The following KYNU variants were observed in gnomAD, a reference collection of about 807,000 sequenced individuals.
The protein encoded by KYNU is kynureninase, also known as L-kynurenine hydrolase.
Under a neutral mutation model 59.2 loss-of-function variants are expected in KYNU, and 54 were observed. The ratio of observed to expected loss-of-function variants is 0.91; its 90% CI spans 0.73 to 1.14. KYNU has a LOEUF of 1.14. KYNU is among the 50% of genes most tolerant of loss of function. KYNU has a pLI of 0.00. For missense variants in KYNU, 567 were observed against 554.4 expected (o/e 1.02, Z -0.23); for synonymous variants, 177 against 192.0 (o/e 0.92, Z 0.65).
At chr2:142,916,452 A>G (rs111539305) in intron 2 of KYNU, among the ~76,000 whole-genome samples, 37 of 152,288 alleles carry the variant, frequency 2.4e-4, no homozygotes, top group African/African-American at 8.4e-4. Flanking sequence ...TATGGCTTGG[A>G]AAGCCTGAAA....
intron 8 of KYNU, among the ~76,000 whole-genome samples, chr2:142,972,618 A>T (rs1364945399): frequency 6.6e-6 from 1 of 152,112 alleles, no homozygotes; most frequent in Non-Finnish European, 1.5e-5. Context: ...GAGGAGAGTG[A>T]ATCTGAGAGA....
intron 2 of KYNU, among the ~76,000 whole-genome samples, chr2:142,903,806 G>T (rs558294920): frequency 5.9e-5 from 9 of 152,282 alleles, no homozygotes; most frequent in Non-Finnish European, 1.3e-4. Flanking sequence ...ATGGACGAGG[G>T]GGGTGGCTTA....
At chr2:142,910,131 C>CTTTTTTTTTTTTT (rs368644903) in intron 2 of KYNU, among the ~76,000 whole-genome samples, 5 of 105,478 alleles carry the variant, frequency 4.7e-5, no homozygotes, top group South Asian at 3.7e-4. Flanking sequence ...TGTTCTTTGC[C>CTTTTTTTTTTTTT]TTTTTTTTTT....
chr2:142,957,740 T>G, intron 7 of KYNU, 25 bp downstream of exon 7: 1 of 1,382,814 alleles, frequency 7.2e-7, no homozygotes, highest in Non-Finnish European at 1.0e-6. Context: ...AAGAAATATT[T>G]GTCATGCTTT....
intron 3 of KYNU, among the ~76,000 whole-genome samples, chr2:142,924,909 A>C (rs531883573): frequency 1.3e-5 from 2 of 152,304 alleles, no homozygotes; most frequent in Admixed American, 1.3e-4. Flanking sequence ...TTCTAAATAC[A>C]TTTCACTACC....
rs1423582037 is a variant in KYNU, at chr2:143,050,254, A to G, written c.*8082A>G. 1 of 152,000 alleles carries G rather than the reference A, an allele frequency of 6.6e-6. No individual in the cohort carries two copies. Among genetic ancestry groups the G allele is most frequent in the Non-Finnish European group, 1.5e-5 (1 of 67,998 alleles). 9.4% of individuals were successfully genotyped at this position (152,000 alleles called of 1,614,324 possible). A position where few individuals can be genotyped will look rare whatever the true frequency, so the allele number is the denominator to read the frequency against. Reference sequence around the variant, plus strand: ...TTTGTTACATAGGTATACGTGTGCCATGGTGGTTTGCTGCACCTATTGACC... The same window carrying G: ...TTTGTTACATAGGTATACGTGTGCCGTGGTGGTTTGCTGCACCTATTGACC... On this transcript the variant is annotated 3_prime_UTR_variant, in exon 14 of 14. Transcript: ENST00000264170.
intron 2 of KYNU, among the ~76,000 whole-genome samples, chr2:142,892,704 G>A (rs1049688457): frequency 1.3e-5 from 2 of 152,176 alleles, no homozygotes; most frequent in African/African-American, 4.8e-5. Flanking sequence ...GGCATACCAT[G>A]AGCCATAATT....
chr2:143,024,646 T>A (rs1024202718), intron 10 of KYNU, among the ~76,000 whole-genome samples: 4 of 152,078 alleles, frequency 2.6e-5, no homozygotes, highest in Non-Finnish European at 5.9e-5. Context: ...TGACTTAACC[T>A]TTTTTGAGTG....
chr2:142,965,994 T>C (rs564875809), intron 8 of KYNU, among the ~76,000 whole-genome samples: 95 of 152,200 alleles, frequency 6.2e-4, no homozygotes, highest in Admixed American at 1.1e-3. Flanking sequence ...TTTTCTTTTA[T>C]CGTCTCATTT....
rs181679287 is a variant in KYNU at position 142,901,200 on chromosome 2, T to C, written c.169+15664T>C. On this transcript the variant is annotated intron_variant, in intron 2 of 13. Coordinates refer to ENST00000264170, the MANE Select transcript of KYNU (RefSeq NM_003937.3). ...AGTAAATAATGATTTGGCCATCTGA[T>C]GGGTGCTATTAATGCCTAAGTGAAA... Among the ~76,000 whole-genome samples, 374 of 152,312 alleles carry C rather than the reference T, an allele frequency of 2.5e-3. 3 individuals are homozygous for C. The highest frequency in any genetic ancestry group is 8.5e-3 in the African/African-American group (355 of 41,560).
intron 2 of KYNU, among the ~76,000 whole-genome samples, chr2:142,913,000 C>T (rs576311549): frequency 5.3e-5 from 8 of 152,168 alleles, no homozygotes; most frequent in South Asian, 2.1e-4. Context: ...CTGGAGCCAC[C>T]GCTCCCGGCT....
At chr2:142,947,277 T>G in intron 4 of KYNU, 1 of 1,527,426 alleles carries the variant, frequency 6.5e-7, no homozygotes, top group Non-Finnish European at 8.8e-7. Context: ...ACCAGACAAA[T>G]TCACTTAAAA....
At chr2:143,014,126 T>C (rs1162278108) in intron 10 of KYNU, among the ~76,000 whole-genome samples, 5 of 152,242 alleles carry the variant, frequency 3.3e-5, no homozygotes, top group East Asian at 3.8e-4. Context: ...ACACAAAGAT[T>C]ATGGCACCAA....
At chr2:142,929,592 T>G (rs950061969) in intron 4 of KYNU, among the ~76,000 whole-genome samples, 1 of 151,714 alleles carries the variant, frequency 6.6e-6, no homozygotes, top group African/African-American at 2.4e-5. Context: ...GTGGTTGGGT[T>G]GACAAAAGAC....
At chr2:142,921,072 G>A (rs777636676) in intron 3 of KYNU, among the ~76,000 whole-genome samples, 1 of 152,188 alleles carries the variant, frequency 6.6e-6, no homozygotes, top group Non-Finnish European at 1.5e-5. Flanking sequence ...AGGTTAACAG[G>A]AGAAAAGTTT....
At chr2:142,917,495 T>G (rs552639865) in intron 2 of KYNU, among the ~76,000 whole-genome samples, 1 of 151,600 alleles carries the variant, frequency 6.6e-6, no homozygotes, top group South Asian at 2.1e-4. Context: ...AGAGATGGAG[T>G]CTCACTATGT....
intron 10 of KYNU, among the ~76,000 whole-genome samples, chr2:143,010,592 C>T (rs1209359665): frequency 2.1e-5 from 3 of 139,958 alleles, no homozygotes; most frequent in African/African-American, 5.6e-5. Flanking sequence ...AAAAAAGAGC[C>T]TGCATCACCA....
intron 10 of KYNU, among the ~76,000 whole-genome samples, chr2:143,005,581 T>C (rs1217269174): frequency 6.6e-6 from 1 of 152,164 alleles, no homozygotes; most frequent in Non-Finnish European, 1.5e-5. Context: ...CAAAGTTGTA[T>C]GTTTGCAATA....
At chr2:142,918,572 ATTT>A (rs35434351) in intron 2 of KYNU, 34 bp from the exon 3 acceptor site, 14,062 of 1,301,880 alleles carry the variant, frequency 0.011, 120 homozygotes, top group African/African-American at 0.086. Context: ...AAAAGCTTTT[ATTT>A]TTTTTTTTTT....
Sources: allele counts gnomAD v4.1 joint callset (sites outside exome capture counted in the v4.1 genomes callset), GRCh38; gene constraint gnomAD v4.1.1; transcripts MANE v1.5; gene names NCBI Gene and HGNC (gene_info 2026-07-23, HGNC 2026-07-21).